The following AK9 variants were observed in gnomAD, a reference collection of about 807,000 sequenced individuals.
AK9 encodes the protein adenylate kinase domain containing 1.
In AK9, 191 loss-of-function variants were observed where a neutral mutation model predicts 239.6. The observed-to-expected ratio is 0.80, with a 90% CI of 0.71 to 0.90. The LOEUF is 0.90. Among genes scored for constraint, AK9 ranks in the 40% least tolerant of loss-of-function variants. The pLI is 0.00. For synonymous variants in AK9, 689 were observed against 721.0 expected, an observed-to-expected ratio of 0.96 and a Z score of 0.71; for missense variants, 1,995 against 2,214.7, an observed-to-expected ratio of 0.90 and a Z score of 1.99.
chr6:109,532,065 G>A (rs1781350029), intron 28 of AK9, among the ~76,000 whole-genome samples: 1 of 152,126 alleles, frequency 6.6e-6, no homozygotes, highest in Non-Finnish European at 1.5e-5. Context: ...TAACACTTTG[G>A]CAGTCTGTAA....
rs781266246 is a variant in AK9, at chr6:109,506,429, T to C, written c.4747A>G (p.Ile1583Val). The change falls in exon 35 of 41, where the codon ATT becomes GTT. Residue 1583 changes from isoleucine to valine, a missense_variant. This residue lies in a region of AK9 where 391 missense variants were observed against 456.0 expected (regional missense o/e 0.86). Transcript: ENST00000424296. ...YQEQHQNWYVIDGFHSKWWVW... is the reference protein window; with the variant it reads ...YQEQHQNWYVVDGFHSKWWVW... Reference sequence around the variant, plus strand: ...CACCATTTGCTGTGAAATCCATCAATCACATACCAGTTCTGATGCTGTTCT... The same window carrying C: ...CACCATTTGCTGTGAAATCCATCAACCACATACCAGTTCTGATGCTGTTCT... 1.2e-6 allele frequency: 2 copies of C among 1,613,764 alleles called. No individual in the cohort carries two copies. The highest frequency in any genetic ancestry group is 1.7e-6 in the Non-Finnish European group (2 of 1,179,954).
intron 9 of AK9, among the ~76,000 whole-genome samples, chr6:109,643,931 G>T (rs527724350): frequency 5.5e-4 from 84 of 152,246 alleles, no homozygotes; most frequent in African/African-American, 1.9e-3. Flanking sequence ...GTTTCAGACT[G>T]GTGGTCCTCC....
chr6:109,577,423 C>T (rs1562437728), intron 20 of AK9, among the ~76,000 whole-genome samples: 1 of 151,354 alleles, frequency 6.6e-6, no homozygotes, highest in Non-Finnish European at 1.5e-5. Context: ...CTATGTTCAA[C>T]AGGGATATTG....
At chr6:109,590,299 G>A (rs528029136) in intron 17 of AK9, among the ~76,000 whole-genome samples, 4 of 152,176 alleles carry the variant, frequency 2.6e-5, no homozygotes, top group Middle Eastern at 3.4e-3. Flanking sequence ...ATCTTGGGAG[G>A]ATGTATATTT....
intron 13 of AK9, among the ~76,000 whole-genome samples, 154 bp from the exon 14 acceptor site, chr6:109,614,634 G>T (rs1793952886): frequency 6.6e-6 from 1 of 152,140 alleles, no homozygotes; most frequent in Non-Finnish European, 1.5e-5. Context: ...TAAATCACTT[G>T]ATCTTTTTGT....
intron 12 of AK9, among the ~76,000 whole-genome samples, chr6:109,627,133 CT>C (rs71018357): frequency 0.015 from 1,040 of 67,306 alleles, 8 homozygotes; most frequent in African/African-American, 0.057. Flanking sequence ...GATGTTTAAG[CT>C]TTTTTTTTTT....
intron 27 of AK9, among the ~76,000 whole-genome samples, chr6:109,540,283 T>C (rs112236883): frequency 2.2e-4 from 34 of 152,318 alleles, no homozygotes; most frequent in African/African-American, 7.9e-4. Flanking sequence ...TTTGTTTACC[T>C]ACTGCAGCCT....
intron 1 of AK9, among the ~76,000 whole-genome samples, chr6:109,680,197 A>C (rs1468420534): frequency 1.3e-5 from 2 of 152,190 alleles, no homozygotes; most frequent in African/African-American, 4.8e-5. Context: ...AAGGAAGCTA[A>C]GAACCTTGAT....
chr6:109,515,967 G>C lies in AK9; in HGVS notation c.3955C>G (p.Arg1319Gly), dbSNP rs1246391134. ...TGACATTTCTCAAAAATGCTTGCAC[G>C]ATTTTCCACCAGTGGTTTCAGTTTC... ...NMKLKPLVEN[R>G]ASIFEKCHPI... The change falls in exon 31 of 41, where the codon CGT becomes GGT. Residue 1319 changes from arginine (R) to glycine (G), a missense_variant. Arg to Gly is a moderately radical substitution (Grantham distance 125). Transcript: ENST00000424296. 2 of 1,551,550 alleles carry C rather than the reference G, an allele frequency of 1.3e-6. No individual in the cohort carries two copies. Among genetic ancestry groups the C allele is most frequent in the Admixed American group, 2.0e-5 (1 of 50,994 alleles).
At chr6:109,626,589 G>A (rs1795551167) in intron 12 of AK9, among the ~76,000 whole-genome samples, 1 of 152,152 alleles carries the variant, frequency 6.6e-6, no homozygotes, top group South Asian at 2.1e-4. Context: ...CAAACTTAGA[G>A]GGTACAGCTT....
intron 12 of AK9, among the ~76,000 whole-genome samples, chr6:109,627,064 C>T (rs1463782293): frequency 1.3e-5 from 2 of 149,472 alleles, no homozygotes; most frequent in Non-Finnish European, 3.0e-5. Flanking sequence ...AACACAAACT[C>T]ATTGTACAGA....
chr6:109,684,942 C>G (rs1773282086), intron 1 of AK9, among the ~76,000 whole-genome samples: 1 of 122,600 alleles, frequency 8.2e-6, no homozygotes, highest in Non-Finnish European at 1.7e-5. Flanking sequence ...AGACACTTCT[C>G]AAAAGAAGAC....
chr6:109,670,751 T>A (rs1472918214), intron 5 of AK9, among the ~76,000 whole-genome samples: 2 of 152,186 alleles, frequency 1.3e-5, no homozygotes, highest in East Asian at 3.9e-4. Context: ...TACTATGTTT[T>A]CTGAGGTCAT....
chr6:109,586,024 C>T lies in AK9; in HGVS notation c.1891G>A (p.Gly631Ser). Residue 631 changes from glycine (G) to serine (S), a missense_variant, in exon 18 of 41, where the codon GGC (glycine) becomes AGC (serine). Coordinates refer to ENST00000424296, the MANE Select transcript of AK9 (RefSeq NM_001145128.3). ...DRFPGAPKYGGWIVDNCPIVK... is the reference protein window; with the variant it reads ...DRFPGAPKYGSWIVDNCPIVK... ...ATAGGGCAGTTGTCCACAATCCAGC[C>T]TCCATATTTTGGGGCACCAGGAAAC... 1.3e-6 allele frequency: 2 copies of T among 1,551,352 alleles called. No individual in the cohort carries two copies. The highest frequency in any genetic ancestry group is 1.7e-6 in the Non-Finnish European group (2 of 1,146,888).
At chr6:109,539,335 C>T (rs376298194) in intron 27 of AK9, among the ~76,000 whole-genome samples, 120 of 152,286 alleles carry the variant, frequency 7.9e-4, no homozygotes, top group Non-Finnish European at 1.5e-3. Flanking sequence ...CTTCTCTTCT[C>T]GCTTCATTTC....
At position 109,509,316 on chromosome 6, in the gene AK9, A is replaced by G. The variant is rs996208011; in HGVS notation, c.4344T>C (p.Tyr1448=). Residue 1448 remains tyrosine (Y), a synonymous_variant, in exon 33 of 41, where the codon TAT becomes TAC. Transcript: ENST00000424296. ...KHLSIGGALR[Y]VLNNHPETEL... The stretch of plus-strand genomic sequence containing the variant: ...CTGTTTCCGGGTGATTGTTTAGTAC[A>G]TAACGCAAAGCTCCTCCTATTGATA... 7.7e-6 allele frequency: 12 copies of G among 1,551,580 alleles called. No homozygotes were observed. In the South Asian group the frequency reaches 8.3e-5, roughly 11 times the overall value.
At chr6:109,688,646 G>T (rs1562621196) in intron 1 of AK9, among the ~76,000 whole-genome samples, 1 of 152,206 alleles carries the variant, frequency 6.6e-6, no homozygotes, top group Non-Finnish European at 1.5e-5. Context: ...AATACTCTCA[G>T]TGATTGACTT....
In AK9 at chr6:109,682,636, C is replaced by A. The variant is rs186636864; in HGVS notation, c.-11-6880G>T. Among the ~76,000 whole-genome samples the A allele has an allele frequency of 1.3e-3, 191 of 152,110 alleles. 2 individuals are homozygous for A. The highest frequency in any genetic ancestry group is 7.9e-3 in the South Asian group (38 of 4,830). On this transcript the variant is annotated intron_variant, in intron 1 of 40. Transcript: ENST00000424296. The stretch of plus-strand genomic sequence containing the variant: ...CCATAAACACCTCTCAGCAAATAAA[C>A]TAGAAAATTTAGAAGAAATGGATAA...
intron 35 of AK9, among the ~76,000 whole-genome samples, chr6:109,501,872 A>C (rs2128100756): frequency 6.6e-6 from 1 of 152,330 alleles, no homozygotes; most frequent in East Asian, 1.9e-4. Context: ...TGCCTGTTTC[A>C]CAGAGTTAAC....
Sources: gnomAD v4.1 joint callset for allele counts (sites outside exome capture counted in the v4.1 genomes callset) on GRCh38, gnomAD v4.1.1 for gene constraint, gnomAD v4.1.1 regional missense constraint, MANE v1.5 for transcripts, NCBI Gene and HGNC (gene_info 2026-07-23, HGNC 2026-07-21) for gene names.